GPC5: variants seen among roughly 807,000 people sequenced by gnomAD.
GPC5 encodes the protein glypican-5.
A neutral mutation model predicts 53.9 loss-of-function variants in GPC5; 47 were observed. The ratio of observed to expected loss-of-function variants is 0.87; its 90% CI spans 0.69 to 1.11. The LOEUF (loss-of-function observed/expected upper bound fraction) is 1.11, where lower values mean the gene tolerates loss of function less well. Among genes scored for constraint, GPC5 ranks in the 50% most tolerant of loss-of-function variants. The pLI, the probability that GPC5 is intolerant of heterozygous loss-of-function variation, is 0.00. For synonymous variants in GPC5, 286 were observed against 263.3 expected (o/e 1.09, Z -0.84); for missense variants, 748 against 713.1 (o/e 1.05, Z -0.56).
At chr13:92,416,796 G>A (rs1422918695) in intron 7 of GPC5, among the ~76,000 whole-genome samples, 1 of 152,082 alleles carries the variant, frequency 6.6e-6, no homozygotes, top group Non-Finnish European at 1.5e-5. Context: ...CACAATGTGG[G>A]AGAAAATATT....
intron 7 of GPC5, among the ~76,000 whole-genome samples, chr13:92,535,137 C>A (rs1299236619): frequency 6.6e-6 from 1 of 152,108 alleles, no homozygotes; most frequent in Non-Finnish European, 1.5e-5. Flanking sequence ...CTTCCATGGT[C>A]AGGAATGTGG....
intron 7 of GPC5, among the ~76,000 whole-genome samples, chr13:92,437,407 A>G (rs541995164): frequency 3.3e-5 from 5 of 152,270 alleles, no homozygotes; most frequent in African/African-American, 1.2e-4. Flanking sequence ...TACTGCTTCA[A>G]TTACCCAGGC....
At chr13:92,361,509 G>A (rs1413426671) in intron 7 of GPC5, among the ~76,000 whole-genome samples, 1 of 151,720 alleles carries the variant, frequency 6.6e-6, no homozygotes, top group Non-Finnish European at 1.5e-5. Context: ...AGGCTTATGA[G>A]AGAGCATGAG....
intron 6 of GPC5, chr13:91,994,867 A>T (rs372627310): frequency 0.069 from 7 of 102 alleles, no homozygotes; most frequent in African/African-American, 0.16. Context: ...ATGTTCTGAA[A>T]TTTATTTAAT....
chr13:92,355,882 ATTTTTT>A (rs57295384), intron 7 of GPC5, among the ~76,000 whole-genome samples: 2 of 126,152 alleles, frequency 1.6e-5, no homozygotes, highest in Admixed American at 8.2e-5. Context: ...TGACCCTATC[ATTTTTT>A]TTTTTTTTTT....
At chr13:91,516,892 T>C (rs1885533945) in intron 2 of GPC5, among the ~76,000 whole-genome samples, 1 of 152,160 alleles carries the variant, frequency 6.6e-6, no homozygotes, top group Non-Finnish European at 1.5e-5. Context: ...GCTTGGGGCT[T>C]CCACCCTCTA....
At chr13:92,231,573 C>T (rs910528134) in intron 7 of GPC5, among the ~76,000 whole-genome samples, 1 of 146,632 alleles carries the variant, frequency 6.8e-6, no homozygotes, top group African/African-American at 2.8e-5. Context: ...TCGTCATCTC[C>T]CATTTTAACT....
At chr13:92,253,052 C>T (rs2042703010) in intron 7 of GPC5, among the ~76,000 whole-genome samples, 1 of 152,010 alleles carries the variant, frequency 6.6e-6, no homozygotes, top group Non-Finnish European at 1.5e-5. Flanking sequence ...TCTTTCCATC[C>T]AAGGAACCTA....
At chr13:91,616,264 G>A (rs1189168826) in intron 2 of GPC5, among the ~76,000 whole-genome samples, 1 of 152,016 alleles carries the variant, frequency 6.6e-6, no homozygotes, top group Non-Finnish European at 1.5e-5. Flanking sequence ...TTCATTTAAA[G>A]AAACAGATCT....
chr13:92,044,774 C>T (rs535224125), intron 6 of GPC5, among the ~76,000 whole-genome samples: 2 of 152,210 alleles, frequency 1.3e-5, no homozygotes, highest in East Asian at 3.9e-4. Flanking sequence ...ATAACCCATC[C>T]AGATGTTGAT....
intron 7 of GPC5, among the ~76,000 whole-genome samples, chr13:92,659,857 T>A (rs1363015096): frequency 1.3e-5 from 2 of 151,976 alleles, no homozygotes; most frequent in African/African-American, 2.4e-5. Context: ...AGGAAGGAAG[T>A]CTATCAGAAT....
At position 92,792,175 on chromosome 13, in the gene GPC5, C is replaced by T. The variant is rs1876489173; in HGVS notation, c.1562-74107C>T. Among the ~76,000 whole-genome samples the T allele has an allele frequency of 2.6e-5, 4 of 151,978 alleles. No homozygotes were observed. In the South Asian group the frequency reaches 6.2e-4, roughly 24 times the overall value. On this transcript the variant is annotated intron_variant, in intron 7 of 7. Transcript: ENST00000377067. The stretch of plus-strand genomic sequence containing the variant: ...CAGCCAGAGAGAAAGGTTGGGTTAC[C>T]CACAAAGGGAAGCCTGTCAGACTAA...
intron 1 of GPC5, among the ~76,000 whole-genome samples, chr13:91,446,272 G>A (rs976545825): frequency 6.6e-6 from 1 of 152,142 alleles, no homozygotes; most frequent in Non-Finnish European, 1.5e-5. Flanking sequence ...TTATGCTAGA[G>A]AATGGAAAGG....
chr13:92,642,850 A>G (rs760591837), intron 7 of GPC5, among the ~76,000 whole-genome samples: 1 of 152,204 alleles, frequency 6.6e-6, no homozygotes, highest in Non-Finnish European at 1.5e-5. Flanking sequence ...AGATGACAGG[A>G]GACTGAAGCT....
chr13:92,234,471 C>G (rs1375628494), intron 7 of GPC5, among the ~76,000 whole-genome samples: 1 of 152,064 alleles, frequency 6.6e-6, no homozygotes, highest in Non-Finnish European at 1.5e-5. Context: ...GGGAGCCTCA[C>G]AAGAGAGTGA....
Position 91,720,086 on chromosome 13 carries a change from C to A in GPC5, c.1021-8446C>A, listed in dbSNP as rs543877802. On this transcript the variant is annotated intron_variant, in intron 3 of 7. Coordinates refer to ENST00000377067, the MANE Select transcript of GPC5 (RefSeq NM_004466.6). The stretch of plus-strand genomic sequence containing the variant: ...GAGGTCTCTACATTAAAAATATAAT[C>A]ATGTGGTAATGGCTACTGTCCCCCC... Among the ~76,000 whole-genome samples, 9 of 152,248 alleles carry A rather than the reference C, an allele frequency of 5.9e-5. No homozygotes were observed. In the South Asian group the frequency reaches 1.9e-3, roughly 32 times the overall value.
intron 7 of GPC5, among the ~76,000 whole-genome samples, chr13:92,636,611 G>A (rs1321487249): frequency 6.9e-6 from 1 of 144,574 alleles, no homozygotes; most frequent in African/African-American, 2.5e-5. Flanking sequence ...AATGTACTGG[G>A]GGCTTTATTT....
At chr13:92,188,039 T>G (rs912475304) in intron 7 of GPC5, among the ~76,000 whole-genome samples, 1 of 152,202 alleles carries the variant, frequency 6.6e-6, no homozygotes, top group African/African-American at 2.4e-5. Flanking sequence ...GATATGACAG[T>G]ACCTACTTTG....
rs184468180 is a variant in GPC5, at chr13:91,925,724, C to G, written c.1401+17667C>G. Reference sequence around the variant, plus strand: ...AATTGATTAAGACCATACTCGCTTGCAAAAACAAACGAAAAAGCATCTCTA... The same window carrying G: ...AATTGATTAAGACCATACTCGCTTGGAAAAACAAACGAAAAAGCATCTCTA... On this transcript the variant is annotated intron_variant, in intron 6 of 7. Transcript: ENST00000377067. Among the ~76,000 whole-genome samples, 477 of 152,124 alleles carry G rather than the reference C, an allele frequency of 3.1e-3. 3 individuals carry two copies. The highest frequency in any genetic ancestry group is 0.011 in the African/African-American group (457 of 41,498).
Sources: allele counts gnomAD v4.1 joint callset (sites outside exome capture counted in the v4.1 genomes callset), GRCh38; gene constraint gnomAD v4.1.1; transcripts MANE v1.5; gene names NCBI Gene and HGNC (gene_info 2026-07-23, HGNC 2026-07-21).